The following CCDC91 variants were observed in gnomAD, a reference collection of about 807,000 sequenced individuals.
The protein encoded by CCDC91 is coiled-coil domain containing 91, also known as coiled-coil domain-containing protein 91.
CCDC91 carries 48 observed loss-of-function variants against 63.2 expected under a neutral mutation model. The observed-to-expected ratio is 0.76, with a 90% confidence interval of 0.60 to 0.97. The LOEUF is 0.97. Ranked by LOEUF, CCDC91 falls within the 50% of genes least tolerant of loss-of-function variation. The pLI is 0.00. For missense variants in CCDC91, 500 were observed against 494.6 expected (o/e 1.01, Z -0.10); for synonymous variants, 167 against 165.8 (o/e 1.01, Z -0.06).
At chr12:28,429,834 TA>T (rs138211713) in intron 8 of CCDC91, among the ~76,000 whole-genome samples, 13,247 of 151,630 alleles carry the variant, frequency 0.087, 1,784 homozygotes, top group African/African-American at 0.29. Flanking sequence ...AAATCAAGAT[TA>T]AAAAAAAATT....
rs138736060 is a variant in CCDC91 at position 28,452,696 on chromosome 12, A to G, written c.1101+42A>G. On this transcript the variant is annotated intron_variant, in intron 11 of 12. Transcript: ENST00000536442. ...GTTAGTAAATATTTACTTTTTTCTC[A>G]TTTTTCTCAAAATGAAGTACCCTTA... 184 of 1,142,976 alleles carry G rather than the reference A, an allele frequency of 1.6e-4. 2 individuals carry two copies. In the African/African-American group the frequency reaches 2.7e-3, roughly 16 times the overall value. 70.8% of individuals were successfully genotyped at this position (1,142,976 alleles called of 1,614,324 possible).
chr12:28,226,709 ATTAATATTCCCTTTATTTTTATCTAC>A (rs1260856125), intron 1 of CCDC91, among the ~76,000 whole-genome samples: 1 of 152,182 alleles, frequency 6.6e-6, no homozygotes, highest in African/African-American at 2.4e-5. Flanking sequence ...TCCATTCTGT[ATTAATATTCCCTTTATTTTTATCTAC>A]TGCCCTTTTT....
chr12:28,504,856 G>C, intron 12 of CCDC91, among the ~76,000 whole-genome samples: 1 of 151,936 alleles, frequency 6.6e-6, no homozygotes, highest in East Asian at 1.9e-4. Flanking sequence ...CAGTTTCTCT[G>C]TAGTTATAAA....
intron 11 of CCDC91, 115 bp from the exon 12 acceptor site, chr12:28,483,937 A>G: frequency 1.7e-6 from 1 of 571,854 alleles, no homozygotes; most frequent in South Asian, 2.3e-5. Flanking sequence ...GTAAAGGTAC[A>G]CTTTGAATAG....
intron 1 of CCDC91, among the ~76,000 whole-genome samples, chr12:28,192,091 TTTTG>T (rs1443154741): frequency 1.3e-5 from 2 of 152,206 alleles, no homozygotes; most frequent in African/African-American, 4.8e-5. Context: ...TCTGAGACAT[TTTTG>T]TTTATTTTGA....
intron 3 of CCDC91, among the ~76,000 whole-genome samples, chr12:28,286,245 G>A (rs190712967): frequency 4.0e-5 from 6 of 151,874 alleles, no homozygotes; most frequent in South Asian, 2.1e-4. Context: ...TCAAGGTTAC[G>A]TGTGAAGGTT....
intron 6 of CCDC91, among the ~76,000 whole-genome samples, chr12:28,320,302 T>C (rs10506029): frequency 0.2 from 30,704 of 151,786 alleles, 4,003 homozygotes; most frequent in Non-Finnish European, 0.3. Context: ...GATAGTAAAT[T>C]ACCCAAGGAA....
At chr12:28,495,971 A>G (rs1175324702) in intron 12 of CCDC91, among the ~76,000 whole-genome samples, 1 of 151,594 alleles carries the variant, frequency 6.6e-6, no homozygotes, top group Admixed American at 6.6e-5. Context: ...ATCGACCCTT[A>G]CAGAACCAGG....
At chr12:28,277,419 T>A (rs1310475876) in intron 3 of CCDC91, among the ~76,000 whole-genome samples, 1 of 152,036 alleles carries the variant, frequency 6.6e-6, no homozygotes, top group Non-Finnish European at 1.5e-5. Flanking sequence ...TAGCAAAAAC[T>A]GAATACAACT....
At chr12:28,284,984 A>G (rs1025468606) in intron 3 of CCDC91, among the ~76,000 whole-genome samples, 2 of 152,310 alleles carry the variant, frequency 1.3e-5, no homozygotes, top group Non-Finnish European at 1.5e-5. Context: ...TATTCTCTAA[A>G]CGGAATTCTA....
At chr12:28,369,474 G>C (rs984773654) in intron 7 of CCDC91, among the ~76,000 whole-genome samples, 1 of 152,198 alleles carries the variant, frequency 6.6e-6, no homozygotes, top group African/African-American at 2.4e-5. Context: ...CCCTGTGGCT[G>C]CTTCCACAGG....
chr12:28,259,815 A>C (rs1038029123), intron 3 of CCDC91, among the ~76,000 whole-genome samples: 3 of 151,860 alleles, frequency 2.0e-5, no homozygotes, highest in African/African-American at 4.8e-5. Context: ...AACATATTTA[A>C]ATTTAGAAGT....
At chr12:28,321,915 C>T (rs1270312564) in intron 6 of CCDC91, among the ~76,000 whole-genome samples, 3 of 151,154 alleles carry the variant, frequency 2.0e-5, no homozygotes, top group African/African-American at 4.9e-5. Flanking sequence ...TATCATTATA[C>T]GTATAGTATA....
chr12:28,335,218 T>C (rs1407887372), intron 6 of CCDC91, among the ~76,000 whole-genome samples: 1 of 139,080 alleles, frequency 7.2e-6, no homozygotes, highest in African/African-American at 2.6e-5. Context: ...CATATAAATA[T>C]GTAGATAAAT....
intron 8 of CCDC91, among the ~76,000 whole-genome samples, chr12:28,399,242 C>T (rs1315174871): frequency 3.9e-5 from 6 of 152,104 alleles, no homozygotes; most frequent in African/African-American, 1.4e-4. Context: ...ACATGTCCTT[C>T]TTCACATGAC....
At chr12:28,302,386 C>G (rs972034918) in intron 3 of CCDC91, among the ~76,000 whole-genome samples, 4 of 151,808 alleles carry the variant, frequency 2.6e-5, no homozygotes, top group Non-Finnish European at 5.9e-5. Flanking sequence ...TCACTGAGCT[C>G]TAGGTGGTTG....
intron 1 of CCDC91, among the ~76,000 whole-genome samples, chr12:28,196,210 G>A (rs979474688): frequency 6.6e-6 from 1 of 152,146 alleles, no homozygotes; most frequent in African/African-American, 2.4e-5. Context: ...TGTTATGTTT[G>A]TATCTAAATG....
intron 3 of CCDC91, among the ~76,000 whole-genome samples, chr12:28,294,017 A>T (rs1444395237): frequency 6.6e-6 from 1 of 152,110 alleles, no homozygotes; most frequent in African/African-American, 2.4e-5. Context: ...GGAGAATATG[A>T]GCTTGAGATT....
intron 1 of CCDC91, among the ~76,000 whole-genome samples, chr12:28,212,169 C>T (rs1334774749): frequency 3.9e-5 from 6 of 152,096 alleles, no homozygotes; most frequent in Non-Finnish European, 8.8e-5. Context: ...TCCTGGGGGT[C>T]GTTAGAAGCT....
Sources: gnomAD v4.1 joint callset for allele counts (sites outside exome capture counted in the v4.1 genomes callset) on GRCh38, gnomAD v4.1.1 for gene constraint, MANE v1.5 for transcripts, NCBI Gene and HGNC (gene_info 2026-07-23, HGNC 2026-07-21) for gene names.